EPB41L1: variants seen among roughly 807,000 people sequenced by gnomAD.
EPB41L1 encodes erythrocyte membrane protein band 4.1 like 1, also known as band 4.1-like protein 1.
Under a neutral mutation model 97.8 loss-of-function variants are expected in EPB41L1, and 29 were observed. That is an observed-to-expected ratio of 0.30 (90% CI 0.22 to 0.40). The LOEUF (loss-of-function observed/expected upper bound fraction) is 0.40, where lower values mean the gene tolerates loss of function less well. EPB41L1 is among the 10% of genes least tolerant of loss of function. EPB41L1 has a pLI of 1.00. For missense variants in EPB41L1, 812 were observed against 1,162.3 expected (o/e 0.70, Z 4.38); for synonymous variants, 383 against 459.2 (o/e 0.83, Z 2.12).
At position 36,154,798 on chromosome 20, in the gene EPB41L1, C is replaced by T. The variant is rs2060218577; in HGVS notation, c.-113C>T. 1 of 989,512 alleles carries T rather than the reference C, an allele frequency of 1.0e-6. No individual in the cohort carries two copies. The highest frequency in any genetic ancestry group is 1.2e-6 in the Non-Finnish European group (1 of 832,456). The allele number at this position is 989,512 out of a possible 1,614,324, so 61.3% of individuals were successfully genotyped here. On this transcript the variant is annotated 5_prime_UTR_variant, in exon 1 of 22. Transcript: ENST00000338074. The surrounding 1 kb of genome is among the most constrained non-coding windows in gnomAD (Gnocchi z 5.5). Reference sequence around the variant, plus strand: ...GAACAGGCTGCTCCGCAGAGCCCGCCGCGACCCCGCGCCGCCCCGCCCCGC... The same window carrying T: ...GAACAGGCTGCTCCGCAGAGCCCGCTGCGACCCCGCGCCGCCCCGCCCCGC...
chr20:36,156,114 G>C (rs2060289716), intron 1 of EPB41L1, among the ~76,000 whole-genome samples: 1 of 152,238 alleles, frequency 6.6e-6, no homozygotes, highest in Non-Finnish European at 1.5e-5. Flanking sequence ...GCCTGTGCCA[G>C]CCTCCCCTAT....
chr20:36,176,639 T>C (rs994058616), intron 3 of EPB41L1, among the ~76,000 whole-genome samples: 15 of 149,732 alleles, frequency 1.0e-4, no homozygotes, highest in Non-Finnish European at 1.6e-4. Flanking sequence ...TCTTTTTTTT[T>C]TTTTTTTGTT....
In EPB41L1 at chr20:36,232,715, C is replaced by T. The variant is rs1346607577; in HGVS notation, c.*3375C>T. ...CTTTCTCGTCCCCATGCTCCCCCAC[C>T]TCAGTGCTCCGTGCTGTATGCGTGT... is the stretch of plus-strand genomic sequence containing the variant. On this transcript the variant is annotated 3_prime_UTR_variant, in exon 22 of 22. Transcript: ENST00000338074. 2.5e-6 allele frequency: 1 copy of T among 399,120 alleles called. No homozygotes were observed. The highest frequency in any genetic ancestry group is 4.4e-5 in the Admixed American group (1 of 22,710). 24.7% of individuals were successfully genotyped at this position (399,120 alleles called of 1,614,324 possible). A position where few individuals can be genotyped will look rare whatever the true frequency, so the allele number is the denominator to read the frequency against.
rs116334224 is a variant in EPB41L1, at chr20:36,182,336, A to G, written c.555A>G (p.Glu185=). The change falls in exon 6 of 22, where the codon GAA becomes GAG. Residue 185 remains glutamate (E), a synonymous_variant. Transcript: ENST00000338074. ...CGCCTGATCCTGCCCAGCTGACAGA[A>G]GACATCACAAGGTGAGGGCTGTGGA... ...FYPPDPAQLT[E]DITRYYLCLQ... is the part of the protein sequence containing the mutation. The G allele has an allele frequency of 2.5e-3, 4,030 of 1,614,070 alleles. 87 individuals carry two copies. In the African/African-American group the frequency reaches 0.048, roughly 19 times the overall value.
intron 2 of EPB41L1, among the ~76,000 whole-genome samples, chr20:36,124,209 C>T (rs939433097): frequency 1.1e-4 from 17 of 152,222 alleles, no homozygotes; most frequent in East Asian, 9.7e-4. Flanking sequence ...GAGCCGAGAT[C>T]GCGCCACTGC....
At chr20:36,210,508 C>A (rs1166106685) in intron 15 of EPB41L1, among the ~76,000 whole-genome samples, 1 of 152,108 alleles carries the variant, frequency 6.6e-6, no homozygotes, top group Non-Finnish European at 1.5e-5. Flanking sequence ...CTCATCTCTT[C>A]TAGACCCAAC....
At chr20:36,217,016 G>GACA (rs1569356059) in intron 17 of EPB41L1, among the ~76,000 whole-genome samples, 4 of 151,968 alleles carry the variant, frequency 2.6e-5, no homozygotes, top group Non-Finnish European at 5.9e-5. Flanking sequence ...CTATTGACTC[G>GACA]GAAACTCTAG....
At chr20:36,202,194 G>A (rs544964701) in intron 14 of EPB41L1, among the ~76,000 whole-genome samples, 14 of 152,236 alleles carry the variant, frequency 9.2e-5, no homozygotes, top group Middle Eastern at 3.4e-3. Flanking sequence ...CCTGCACCCC[G>A]CCCCCGCATC....
At chr20:36,100,116 A>G (rs970838153) in intron 1 of EPB41L1, among the ~76,000 whole-genome samples, 1 of 152,214 alleles carries the variant, frequency 6.6e-6, no homozygotes, top group African/African-American at 2.4e-5. Flanking sequence ...ATTTCTCAGC[A>G]GGTCCTGTCC....
intron 2 of EPB41L1, among the ~76,000 whole-genome samples, chr20:36,118,438 G>A (rs2147650238): frequency 6.6e-6 from 1 of 152,024 alleles, no homozygotes; most frequent in East Asian, 1.9e-4. Flanking sequence ...TCTTCCAAGG[G>A]GCACCTTAAG....
chr20:36,116,428 ATCT>A (rs896755296), intron 2 of EPB41L1, among the ~76,000 whole-genome samples: 3 of 152,084 alleles, frequency 2.0e-5, no homozygotes, highest in Non-Finnish European at 2.9e-5. Context: ...AAGAGGTTTG[ATCT>A]TCTCCAGGAG....
intron 1 of EPB41L1, among the ~76,000 whole-genome samples, chr20:36,099,013 A>T (rs2057923138): frequency 6.6e-6 from 1 of 152,158 alleles, no homozygotes; most frequent in Non-Finnish European, 1.5e-5. Context: ...TACTAAAAAT[A>T]CAAAAATTAG....
chr20:36,143,137 TTG>T (rs59256378), intron 2 of EPB41L1, among the ~76,000 whole-genome samples: 14,176 of 130,534 alleles, frequency 0.11, 638 homozygotes, highest in East Asian at 0.22. Context: ...GAGGGTGTGT[TTG>T]TGTGTGTGTG....
intron 1 of EPB41L1, among the ~76,000 whole-genome samples, chr20:36,103,708 T>C (rs188360920): frequency 0.032 from 4,694 of 147,772 alleles, 130 homozygotes; most frequent in South Asian, 0.16. Flanking sequence ...TTCTTTCTTT[T>C]TTTTTTTTTT....
intron 2 of EPB41L1, among the ~76,000 whole-genome samples, chr20:36,116,820 C>CT (rs2058599273): frequency 6.6e-6 from 1 of 152,264 alleles, no homozygotes; most frequent in East Asian, 1.9e-4. Flanking sequence ...CCTAAAGTGC[C>CT]TTTGGATTTT....
Position 36,209,877 on chromosome 20 carries a change from C to G in EPB41L1, c.2058C>G (p.Thr686=). 6.2e-7 allele frequency: 1 copy of G among 1,613,384 alleles called. No individual in the cohort carries two copies. Among genetic ancestry groups the G allele is most frequent in the South Asian group, 1.1e-5 (1 of 91,060 alleles). The stretch of plus-strand genomic sequence containing the variant: ...GCCCGGATCGAGGGGCCTGCTCCAC[C>G]CCGGATATGCCCCAGTTTGAGGTAC... ...EDSPDRGACS[T]PDMPQFEPVK... is the part of the protein sequence containing the mutation. The change falls in exon 15 of 22, where the codon ACC becomes ACG. Residue 686 remains threonine, a synonymous_variant. Coordinates refer to ENST00000338074, the MANE Select transcript of EPB41L1 (RefSeq NM_012156.2). The surrounding 1 kb of genome is among the most constrained non-coding windows in gnomAD (Gnocchi z 4.2).
At chr20:36,124,972 C>T (rs1050340706) in intron 2 of EPB41L1, among the ~76,000 whole-genome samples, 8 of 151,982 alleles carry the variant, frequency 5.3e-5, no homozygotes, top group African/African-American at 9.7e-5. Context: ...GTGATGCACT[C>T]GTGCCAGATC....
chr20:36,206,608 G>A lies in EPB41L1; in HGVS notation c.1669-2880G>A. Reference sequence around the variant, plus strand: ...GAATTCCTTAGACCTGAGGGTTTCTGCTGCTGCTTCCAGCAGGAGCAAGGA... The same window carrying A: ...GAATTCCTTAGACCTGAGGGTTTCTACTGCTGCTTCCAGCAGGAGCAAGGA... On this transcript the variant is annotated intron_variant, in intron 14 of 21. Coordinates refer to ENST00000338074, the MANE Select transcript of EPB41L1 (RefSeq NM_012156.2). The surrounding 1 kb of genome is among the most constrained non-coding windows in gnomAD (Gnocchi z 5.5). 5 of 1,289,860 alleles carry A rather than the reference G, an allele frequency of 3.9e-6. No homozygotes were observed. The highest frequency in any genetic ancestry group is 5.1e-6 in the Non-Finnish European group (5 of 988,876). 79.9% of individuals were successfully genotyped at this position (1,289,860 alleles called of 1,614,324 possible). A position where few individuals can be genotyped will look rare whatever the true frequency, so the allele number is the denominator to read the frequency against.
At chr20:36,198,092 G>T in intron 14 of EPB41L1, 51 bp downstream of exon 14, 1 of 1,536,122 alleles carries the variant, frequency 6.5e-7, no homozygotes, top group South Asian at 1.1e-5. Flanking sequence ...AAGAGACATT[G>T]GGTTGCTGCA....
Sources: gnomAD v4.1 joint callset for allele counts (sites outside exome capture counted in the v4.1 genomes callset) on GRCh38, gnomAD v4.1.1 for gene constraint, Gnocchi (gnomAD v3.1) non-coding constraint, MANE v1.5 for transcripts, NCBI Gene and HGNC (gene_info 2026-07-23, HGNC 2026-07-21) for gene names.